Variants in SYT7 observed in about 807,000 individuals in gnomAD.
The protein encoded by SYT7 is synaptotagmin-7.
In SYT7, 29 loss-of-function variants were observed where a neutral mutation model predicts 75.1. The observed-to-expected ratio is 0.39, with a 90% CI of 0.29 to 0.53. The LOEUF is 0.53. SYT7 is among the 20% of genes least tolerant of loss of function. The probability of loss-of-function intolerance (pLI) is 0.77; values close to 1 mark genes in which losing one functional copy is unlikely to be tolerated. For missense variants in SYT7, 693 were observed against 953.2 expected, an observed-to-expected ratio of 0.73 and a Z score of 3.59; for synonymous variants, 376 against 401.7, an observed-to-expected ratio of 0.94 and a Z score of 0.76.
At chr11:61,559,640 C>T (rs942298609) in intron 1 of SYT7, among the ~76,000 whole-genome samples, 3 of 152,134 alleles carry the variant, frequency 2.0e-5, no homozygotes, top group Admixed American at 2.0e-4. Context: ...ACACTCCCCC[C>T]TCCCCCATAC....
intron 6 of SYT7, chr11:61,540,686 A>C (rs2063015140): frequency 1.0e-6 from 1 of 985,390 alleles, no homozygotes; most frequent in African/African-American, 1.7e-5. Context: ...CCCCTGGCCC[A>C]GTTTAATGGC....
chr11:61,588,150 T>G, the SYT7 span, among the ~76,000 whole-genome samples: 1 of 151,620 alleles, frequency 6.6e-6, no homozygotes, highest in South Asian at 2.1e-4. Context: ...GCTGGGCGAG[T>G]TCAGGTGGCC....
At chr11:61,559,108 C>T (rs2063575385) in intron 1 of SYT7, among the ~76,000 whole-genome samples, 1 of 152,140 alleles carries the variant, frequency 6.6e-6, no homozygotes, top group Non-Finnish European at 1.5e-5. Context: ...GTGTCTCCCA[C>T]GGGGTTGCTG....
chr11:61,514,009 G>A lies in SYT7; in HGVS notation c.*4618C>T, dbSNP rs139433433. On this transcript the variant is annotated 3_prime_UTR_variant, in exon 13 of 13. Transcript: ENST00000539008. ...CAGAAAGCAGCAGTATCCAGGGGGG[G>A]ACTCACAGGAGAAAGAAAACACCAG... Among the ~76,000 whole-genome samples, 5 of 151,978 alleles carry A rather than the reference G, an allele frequency of 3.3e-5. No homozygotes were observed. The highest frequency in any genetic ancestry group is 6.5e-5 in the Admixed American group (1 of 15,272).
rs2062458816 is a variant in SYT7, at chr11:61,524,746, G to A, written c.1472-214C>T. 5.9e-6 allele frequency: 3 copies of A among 507,768 alleles called. No individual in the cohort carries two copies. The highest frequency in any genetic ancestry group is 2.8e-5 in the South Asian group (1 of 36,122). 31.5% of individuals were successfully genotyped at this position (507,768 alleles called of 1,614,324 possible). ...GGGATTCCCTCAACAATTCTCCAAG[G>A]TGAATGGCATCTCGTCCATCTTACA... is the stretch of plus-strand genomic sequence containing the variant. On this transcript the variant is annotated intron_variant, in intron 9 of 12. Transcript: ENST00000539008. This position sits in a 1 kb window ranked among gnomAD's most constrained non-coding sequence, Gnocchi z 4.1.
Position 61,523,192 on chromosome 11 carries a change from G to A in SYT7, c.1839C>T (p.Asn613=). The A allele has an allele frequency of 1.2e-6, 2 of 1,614,210 alleles. No individual in the cohort carries two copies. Among genetic ancestry groups the A allele is most frequent in the Non-Finnish European group, 1.7e-6 (2 of 1,180,038 alleles). The change falls in exon 12 of 13, where the codon AAC becomes AAT. Residue 613 remains asparagine (N), a synonymous_variant. Coordinates refer to ENST00000539008, the MANE Select transcript of SYT7 (RefSeq NM_001365809.2). The surrounding 1 kb of genome is among the most constrained non-coding windows in gnomAD (Gnocchi z 5.0). ...KKTVTMKRNL[N]PIFNESFAFD... Reference sequence around the variant, plus strand: ...AGGCGAAGGACTCATTGAAGATGGGGTTCAGGTTCCTCTTCATCGTCACCG... The same window carrying A: ...AGGCGAAGGACTCATTGAAGATGGGATTCAGGTTCCTCTTCATCGTCACCG...
chr11:61,567,259 G>C (rs2063794876), intron 1 of SYT7, among the ~76,000 whole-genome samples: 1 of 152,168 alleles, frequency 6.6e-6, no homozygotes, highest in African/African-American at 2.4e-5. Flanking sequence ...CAGGGTCTAA[G>C]ATTCCCTCTA....
In SYT7 at chr11:61,515,096, C is replaced by T. The variant is rs1408441852; in HGVS notation, c.*3531G>A. Among the ~76,000 whole-genome samples the T allele has an allele frequency of 6.6e-6, 1 of 152,228 alleles. No individual in the cohort carries two copies. Among genetic ancestry groups the T allele is most frequent in the Non-Finnish European group, 1.5e-5 (1 of 68,042 alleles). On this transcript the variant is annotated 3_prime_UTR_variant, in exon 13 of 13. Transcript: ENST00000539008. ...GGCCTGATCTGGGAGATGTAGCTGCCTCTCTGCTTTCTGGGAAGCCAGTGG... is the reference window on the plus strand; with the variant it reads ...GGCCTGATCTGGGAGATGTAGCTGCTTCTCTGCTTTCTGGGAAGCCAGTGG...
chr11:61,573,025 GGCCCCGC>G (rs1282340210), intron 1 of SYT7, among the ~76,000 whole-genome samples: 4 of 152,266 alleles, frequency 2.6e-5, no homozygotes, highest in Non-Finnish European at 5.9e-5. Context: ...GACATAACCA[GGCCCCGC>G]TGTGAATGGG....
Position 61,523,290 on chromosome 11 carries a change from G to A in SYT7, c.1757-16C>T, listed in dbSNP as rs201291621. The A allele has an allele frequency of 1.5e-5, 25 of 1,613,528 alleles. No homozygotes were observed. In the Admixed American group the frequency reaches 4.0e-4, roughly 26 times the overall value. On this transcript the variant is annotated splice_polypyrimidine_tract_variant and intron_variant, in intron 11 of 12. Transcript: ENST00000539008. This position sits in a 1 kb window ranked among gnomAD's most constrained non-coding sequence, Gnocchi z 5.0. ...ACGTAGGGGTCTAGGGGAGGGAGTG[G>A]GGAAGGGTTAGAGGGACCGTGGGGG...
intron 3 of SYT7, 91 bp from the exon 4 acceptor site, chr11:61,547,399 C>T: frequency 6.9e-7 from 1 of 1,443,616 alleles, no homozygotes; most frequent in Non-Finnish European, 9.3e-7. Flanking sequence ...GACCAGGACC[C>T]CGGGGCCGGG....
intron 8 of SYT7, among the ~76,000 whole-genome samples, chr11:61,532,532 G>C (rs575081040): frequency 2.0e-5 from 3 of 152,180 alleles, no homozygotes; most frequent in Non-Finnish European, 4.4e-5. Context: ...TGGGAATGGG[G>C]CAGGTCACTG....
At chr11:61,520,097 GGGCAAACTGGTCTCACACT>G (rs1447597182) in intron 12 of SYT7, among the ~76,000 whole-genome samples, 1 of 137,140 alleles carries the variant, frequency 7.3e-6, no homozygotes, top group Non-Finnish European at 1.5e-5. Flanking sequence ...CTCGTGATCT[GGGCAAACTGGTCTCACACT>G]CCTGACCTCG....
chr11:61,517,828 G>C lies in SYT7; in HGVS notation c.*799C>G. 5.7e-5 allele frequency: 12 copies of C among 209,098 alleles called. No homozygotes were observed. The highest frequency in any genetic ancestry group is 1.0e-4 in the East Asian group (1 of 9,636). 13.0% of individuals were successfully genotyped at this position (209,098 alleles called of 1,614,324 possible). Reference sequence around the variant, plus strand: ...TACTTCAGATTCTGAGCAGAGGGGGGCACCAAGGGGAGAAGGGGAGGAGAC... The same window carrying C: ...TACTTCAGATTCTGAGCAGAGGGGGCCACCAAGGGGAGAAGGGGAGGAGAC... On this transcript the variant is annotated 3_prime_UTR_variant, in exon 13 of 13. Coordinates refer to ENST00000539008, the MANE Select transcript of SYT7 (RefSeq NM_001365809.2).
At chr11:61,527,765 G>C in intron 9 of SYT7, 150 bp downstream of exon 9, 2 of 931,076 alleles carry the variant, frequency 2.1e-6, no homozygotes. Context: ...GCACATAAGT[G>C]TATCTGCTTG....
intron 6 of SYT7, 87 bp from the exon 7 acceptor site, chr11:61,538,353 GAGAGAGAGAGAGAGAGA>G (rs2062936963): frequency 3.0e-6 from 2 of 665,854 alleles, no homozygotes. Flanking sequence ...GAGGGAGAGA[GAGAGAGAGAGAGAGAGA>G]GAGAGAGAGA....
Position 61,518,547 on chromosome 11 carries a change from A to T in SYT7, c.*80T>A. 9.6e-7 allele frequency: 1 copy of T among 1,041,652 alleles called. No homozygotes were observed. Among genetic ancestry groups the T allele is most frequent in the Non-Finnish European group, 1.3e-6 (1 of 742,854 alleles). 64.5% of individuals were successfully genotyped at this position (1,041,652 alleles called of 1,614,324 possible). A position where few individuals can be genotyped will look rare whatever the true frequency, so the allele number is the denominator to read the frequency against. On this transcript the variant is annotated 3_prime_UTR_variant, in exon 13 of 13. Coordinates refer to ENST00000539008, the MANE Select transcript of SYT7 (RefSeq NM_001365809.2). ...CTCCCCTCCCTATGGCAGGGGGCTC[A>T]GGCCGGGCGTTGTGCATAAAGTGGT...
At chr11:61,550,618 G>A (rs1195954911) in intron 3 of SYT7, among the ~76,000 whole-genome samples, 3 of 152,154 alleles carry the variant, frequency 2.0e-5, no homozygotes, top group African/African-American at 4.8e-5. Context: ...AGGGGCTGGG[G>A]CCACTGGCCA....
At chr11:61,566,139 G>C (rs1190662237) in intron 1 of SYT7, among the ~76,000 whole-genome samples, 1 of 152,258 alleles carries the variant, frequency 6.6e-6, no homozygotes, top group Non-Finnish European at 1.5e-5. Context: ...TTCCAGTCGA[G>C]ACATGGCCTT....
Sources: allele counts gnomAD v4.1 joint callset (sites outside exome capture counted in the v4.1 genomes callset), GRCh38; gene constraint gnomAD v4.1.1; non-coding constraint Gnocchi (gnomAD v3.1); transcripts MANE v1.5; gene names NCBI Gene and HGNC (gene_info 2026-07-23, HGNC 2026-07-21).